Variants in EPB41 observed in about 807,000 individuals in gnomAD.
EPB41 encodes the protein erythrocyte membrane protein band 4.1.
EPB41 carries 65 observed loss-of-function variants against 108.0 expected under a neutral mutation model. The ratio of observed to expected loss-of-function variants is 0.60; its 90% CI spans 0.49 to 0.74. The LOEUF is 0.74. Ranked by LOEUF, EPB41 falls within the 30% of genes least tolerant of loss-of-function variation. The pLI, the probability that EPB41 is intolerant of heterozygous loss-of-function variation, is 0.00. For synonymous variants in EPB41, 336 were observed against 358.9 expected (o/e 0.94, Z 0.72); for missense variants, 875 against 1,037.0 (o/e 0.84, Z 2.15).
chr1:28,897,351 C>G (rs773502712), intron 1 of EPB41, among the ~76,000 whole-genome samples: 4 of 151,962 alleles, frequency 2.6e-5, no homozygotes, highest in Non-Finnish European at 5.9e-5. Context: ...GAGTTCAACA[C>G]AAGCCTAGGG....
chr1:28,899,962 G>A (rs960322301), intron 1 of EPB41, among the ~76,000 whole-genome samples: 6 of 152,134 alleles, frequency 3.9e-5, no homozygotes, highest in African/African-American at 1.4e-4. Context: ...ATAACGTGGG[G>A]AAAATATTAG....
At chr1:28,939,189 A>C (rs2094174465) in intron 1 of EPB41, among the ~76,000 whole-genome samples, 1 of 152,022 alleles carries the variant, frequency 6.6e-6, no homozygotes, top group Non-Finnish European at 1.5e-5. Flanking sequence ...TAGTTTGTTA[A>C]GTGATTTTTT....
chr1:29,062,004 A>G (rs1646651780), intron 15 of EPB41, among the ~76,000 whole-genome samples: 1 of 152,232 alleles, frequency 6.6e-6, no homozygotes, highest in South Asian at 2.1e-4. Context: ...TCTCTGAGAA[A>G]AAAATATGCC....
chr1:29,047,706 C>T (rs1643705559), intron 11 of EPB41, among the ~76,000 whole-genome samples: 1 of 151,794 alleles, frequency 6.6e-6, no homozygotes, highest in African/African-American at 2.4e-5. Flanking sequence ...TTTCGAATAG[C>T]CTTGGTAGAG....
In EPB41 at chr1:28,960,203, G is replaced by A. The variant is rs145918021; in HGVS notation, c.-7-27228G>A. 3.8e-3 allele frequency among the ~76,000 whole-genome samples: 580 copies of A among 151,114 alleles called. 6 individuals are homozygous for A. Among genetic ancestry groups the A allele is most frequent in the African/African-American group, 0.013 (531 of 41,272 alleles). On this transcript the variant is annotated intron_variant, in intron 1 of 20. Coordinates refer to ENST00000343067, the MANE Select transcript of EPB41 (RefSeq NM_001376013.1). ...TTTTTATTTTTGGTAGAGGTGGGGCGTCTCATCATGTTACCCAGGCTGGTC... is the reference window on the plus strand; with the variant it reads ...TTTTTATTTTTGGTAGAGGTGGGGCATCTCATCATGTTACCCAGGCTGGTC...
At chr1:28,942,944 A>G (rs1314501222) in intron 1 of EPB41, among the ~76,000 whole-genome samples, 1 of 152,194 alleles carries the variant, frequency 6.6e-6, no homozygotes, top group Non-Finnish European at 1.5e-5. Context: ...TTACTGTATC[A>G]CAATATCATG....
intron 1 of EPB41, among the ~76,000 whole-genome samples, chr1:28,933,057 G>T (rs2093828010): frequency 6.6e-6 from 1 of 152,020 alleles, no homozygotes; most frequent in African/African-American, 2.4e-5. Flanking sequence ...GGTATATTTA[G>T]TTTGTATATT....
intron 4 of EPB41, among the ~76,000 whole-genome samples, chr1:29,009,282 T>G (rs1477815101): frequency 6.6e-6 from 1 of 152,230 alleles, no homozygotes; most frequent in Non-Finnish European, 1.5e-5. Context: ...TTGATTTTTA[T>G]TATCTCCAGA....
At chr1:28,930,916 G>C (rs537995157) in intron 1 of EPB41, among the ~76,000 whole-genome samples, 1 of 152,236 alleles carries the variant, frequency 6.6e-6, no homozygotes, top group South Asian at 2.1e-4. Flanking sequence ...TGATGGGAAG[G>C]GAGATTTTTA....
intron 4 of EPB41, among the ~76,000 whole-genome samples, chr1:29,000,807 G>T (rs1192812508): frequency 6.6e-6 from 1 of 151,908 alleles, no homozygotes; most frequent in Non-Finnish European, 1.5e-5. Context: ...CTCCAGCTCA[G>T]AAGTAAGTCA....
intron 4 of EPB41, among the ~76,000 whole-genome samples, chr1:29,003,464 C>T (rs760305158): frequency 1.6e-4 from 25 of 152,274 alleles, no homozygotes; most frequent in South Asian, 4.1e-4. Flanking sequence ...TTTTACATTT[C>T]ATCTGTAGTT....
intron 16 of EPB41, among the ~76,000 whole-genome samples, chr1:29,090,510 G>A (rs1253313812): frequency 6.6e-6 from 1 of 152,098 alleles, no homozygotes. Context: ...CAGCACTTTG[G>A]GAGGCTGAGG....
chr1:29,027,247 G>C (rs1224982226), intron 7 of EPB41, among the ~76,000 whole-genome samples: 2 of 152,042 alleles, frequency 1.3e-5, no homozygotes, highest in African/African-American at 4.8e-5. Flanking sequence ...CAATCTACCT[G>C]CCTCAGCCTC....
At position 28,887,766 on chromosome 1, in the gene EPB41, G is replaced by A; in HGVS notation, c.-8+556G>A. 1 of 871,864 alleles carries A rather than the reference G, an allele frequency of 1.1e-6. No homozygotes were observed. The highest frequency in any genetic ancestry group is 1.4e-6 in the Non-Finnish European group (1 of 726,024). The allele number at this position is 871,864 out of a possible 1,614,324, so 54.0% of individuals were successfully genotyped here. ...GCTGGGGCGCCGGCTGTGCCCGCCAGGGTGGCCCCCCCGGCCGTCGCGCCA... is the reference window on the plus strand; with the variant it reads ...GCTGGGGCGCCGGCTGTGCCCGCCAAGGTGGCCCCCCCGGCCGTCGCGCCA... On this transcript the variant is annotated intron_variant, in intron 1 of 16. Transcript: ENST00000347529. This position sits in a 1 kb window ranked among gnomAD's most constrained non-coding sequence, Gnocchi z 4.9.
chr1:29,111,580 T>G (rs1435036318), intron 18 of EPB41, among the ~76,000 whole-genome samples: 1 of 151,164 alleles, frequency 6.6e-6, no homozygotes, highest in African/African-American at 2.4e-5. Flanking sequence ...GTGAACCCAG[T>G]AGACAGAGCT....
rs868621766 is a variant in EPB41 at position 28,966,180 on chromosome 1, C to A, written c.-7-21251C>A. On this transcript the variant is annotated intron_variant, in intron 1 of 20. Transcript: ENST00000343067. Reference sequence around the variant, plus strand: ...CAGCCTGGGCAACAAGAGTGAAACTCCGTCTCAAAAAAAAAAAAAGAAAAA... The same window carrying A: ...CAGCCTGGGCAACAAGAGTGAAACTACGTCTCAAAAAAAAAAAAAGAAAAA... 7.3e-5 allele frequency among the ~76,000 whole-genome samples: 11 copies of A among 150,862 alleles called. 1 individual carries two copies. The Middle Eastern group carries it at 0.017, about 235-fold the overall frequency.
intron 1 of EPB41, among the ~76,000 whole-genome samples, chr1:28,935,602 A>G (rs779999913): frequency 2.0e-5 from 3 of 151,588 alleles, no homozygotes; most frequent in Non-Finnish European, 4.4e-5. Flanking sequence ...TAGAGCTTCC[A>G]TCGAGTAGGT....
At chr1:29,071,792 T>C (rs942643861) in intron 16 of EPB41, 7 of 152,234 alleles carry the variant, frequency 4.6e-5, no homozygotes, top group Non-Finnish European at 7.3e-5. Flanking sequence ...GGCACTTGAA[T>C]GTACCAATAT....
chr1:28,905,421 C>G (rs528079352), intron 1 of EPB41, among the ~76,000 whole-genome samples: 3 of 150,262 alleles, frequency 2.0e-5, no homozygotes, highest in Non-Finnish European at 3.0e-5. Context: ...CGCTTGAACC[C>G]GGGAGGTGGA....
Sources: gnomAD v4.1 joint callset for allele counts (sites outside exome capture counted in the v4.1 genomes callset) on GRCh38, gnomAD v4.1.1 for gene constraint, Gnocchi (gnomAD v3.1) non-coding constraint, MANE v1.5 for transcripts, NCBI Gene and HGNC (gene_info 2026-07-23, HGNC 2026-07-21) for gene names.